NRCAM: variants seen among roughly 807,000 people sequenced by gnomAD.
NRCAM encodes the protein NgCAM-related cell adhesion molecule.
NRCAM carries 83 observed loss-of-function variants against 156.5 expected under a neutral mutation model. That is an observed-to-expected ratio of 0.53 (90% confidence interval 0.44 to 0.64). The LOEUF is 0.64. NRCAM is among the 30% of genes least tolerant of loss of function. NRCAM has a pLI of 0.00. For synonymous variants in NRCAM, 538 were observed against 563.9 expected (o/e 0.95, Z 0.65); for missense variants, 1,417 against 1,597.3 (o/e 0.89, Z 1.92).
At chr7:108,399,906 A>AT (rs1426547101) in intron 1 of NRCAM, among the ~76,000 whole-genome samples, 1 of 152,204 alleles carries the variant, frequency 6.6e-6, no homozygotes, top group African/African-American at 2.4e-5. Flanking sequence ...AAGAAAAAAA[A>AT]GGCACTTGAT....
intron 28 of NRCAM, among the ~76,000 whole-genome samples, chr7:108,168,805 T>C (rs914108392): frequency 1.3e-5 from 2 of 152,208 alleles, no homozygotes; most frequent in Admixed American, 6.5e-5. Flanking sequence ...AACCCAATAC[T>C]ATGTGGCTAC....
intron 13 of NRCAM, 88 bp downstream of exon 13, chr7:108,207,440 G>T: frequency 7.2e-7 from 1 of 1,387,734 alleles, no homozygotes; most frequent in Non-Finnish European, 9.8e-7. Context: ...CTTAACCTGA[G>T]TTATTTTTTT....
intron 3 of NRCAM, among the ~76,000 whole-genome samples, chr7:108,276,088 G>A (rs913169150): frequency 6.6e-6 from 1 of 152,174 alleles, no homozygotes; most frequent in Non-Finnish European, 1.5e-5. Flanking sequence ...ATTGCACTGT[G>A]GTCTGAGAGG....
intron 3 of NRCAM, among the ~76,000 whole-genome samples, chr7:108,302,050 G>A (rs949368382): frequency 2.7e-5 from 4 of 150,122 alleles, no homozygotes; most frequent in African/African-American, 9.8e-5. Context: ...AGTGACCAAA[G>A]TACAAAAAAA....
chr7:108,347,032 GTTTTT>G (rs754160030), intron 2 of NRCAM, among the ~76,000 whole-genome samples: 22 of 83,050 alleles, frequency 2.6e-4, no homozygotes, highest in African/African-American at 1.1e-3. Context: ...TTATATTTCT[GTTTTT>G]TTTTTTTTTT....
chr7:108,211,223 G>A (rs2084133521), intron 11 of NRCAM, among the ~76,000 whole-genome samples: 1 of 152,180 alleles, frequency 6.6e-6, no homozygotes, highest in Non-Finnish European at 1.5e-5. Flanking sequence ...GAAGCAGCAG[G>A]AAAGGCCTTG....
At chr7:108,454,102 T>C (rs962521390) in intron 1 of NRCAM, among the ~76,000 whole-genome samples, 2 of 152,186 alleles carry the variant, frequency 1.3e-5, no homozygotes, top group African/African-American at 2.4e-5. Context: ...GTGACTGTAA[T>C]GGGTTGGATT....
intron 4 of NRCAM, 95 bp from the exon 5 acceptor site, chr7:108,237,864 G>T: frequency 1.2e-6 from 1 of 851,424 alleles, no homozygotes; most frequent in South Asian, 2.4e-5. Flanking sequence ...GAAGATAAAG[G>T]GGGCATCTTG....
At position 108,207,627 on chromosome 7, in the gene NRCAM, G is replaced by C; in HGVS notation, c.1108C>G (p.Leu370Val). Residue 370 changes from leucine to valine, a missense_variant, in exon 13 of 33, where the codon CTT becomes GTT. Physicochemically the swap from Leu to Val is conservative, Grantham distance 32. Transcript: ENST00000379028. ...APYWITAPQN[L>V]VLSPGEDGTL... The stretch of plus-strand genomic sequence containing the variant: ...CCATCCTCTCCTGGGGACAGCACAA[G>C]ATTTTGAGGGGCTGTGATCCAGTAT... The C allele has an allele frequency of 1.9e-6, 3 of 1,613,718 alleles. No homozygotes were observed. The South Asian group carries it at 3.3e-5, about 18-fold the overall frequency.
Position 108,354,192 on chromosome 7 carries a change from A to C in NRCAM, c.-173-41461T>G, listed in dbSNP as rs1365202398. ...ATAAATATAAATAGGATTTCCAAGAAATATATAAATGGTTTAACATTACAA... is the reference window on the plus strand; with the variant it reads ...ATAAATATAAATAGGATTTCCAAGACATATATAAATGGTTTAACATTACAA... On this transcript the variant is annotated intron_variant, in intron 2 of 32. Transcript: ENST00000379028. Among the ~76,000 whole-genome samples, 3 of 152,370 alleles carry C rather than the reference A, an allele frequency of 2.0e-5. No homozygotes were observed. The East Asian group carries it at 5.8e-4, about 29-fold the overall frequency.
chr7:108,431,540 T>G (rs1433669348), intron 1 of NRCAM, among the ~76,000 whole-genome samples: 1 of 152,096 alleles, frequency 6.6e-6, no homozygotes, highest in Non-Finnish European at 1.5e-5. Context: ...CCTAGCACTT[T>G]GGGAGGCCGA....
Position 108,178,121 on chromosome 7 carries a change from G to C in NRCAM, c.2852-9C>G. ...CGAGGGAGCACTGGGGACTTACAGT[G>C]AGAACTTACAGTCAACACAAAGATT... is the stretch of plus-strand genomic sequence containing the variant. On this transcript the variant is annotated splice_polypyrimidine_tract_variant and intron_variant, in intron 25 of 32. Transcript: ENST00000379028. 1 of 1,609,052 alleles carries C rather than the reference G, an allele frequency of 6.2e-7. No individual in the cohort carries two copies. Among genetic ancestry groups the C allele is most frequent in the Non-Finnish European group, 8.5e-7 (1 of 1,177,774 alleles).
intron 17 of NRCAM, among the ~76,000 whole-genome samples, chr7:108,193,334 C>T (rs62469178): frequency 0.043 from 6,611 of 152,302 alleles, 197 homozygotes; most frequent in Middle Eastern, 0.071. Context: ...AATTTTAGGT[C>T]AGCTGTAGGT....
intron 11 of NRCAM, among the ~76,000 whole-genome samples, chr7:108,218,172 C>CCGGG: frequency 1.0e-5 from 1 of 95,792 alleles, no homozygotes; most frequent in African/African-American, 5.9e-5. Flanking sequence ...CTTCCCTTGG[C>CCGGG]TGGGGGGGGG....
At chr7:108,200,173 T>C (rs1587922372) in intron 13 of NRCAM, among the ~76,000 whole-genome samples, 2 of 152,232 alleles carry the variant, frequency 1.3e-5, no homozygotes, top group African/African-American at 4.8e-5. Context: ...ATACTTTGAA[T>C]TGACTTCTTA....
At chr7:108,412,855 A>C (rs1418320416) in intron 1 of NRCAM, among the ~76,000 whole-genome samples, 1 of 152,156 alleles carries the variant, frequency 6.6e-6, no homozygotes, top group Non-Finnish European at 1.5e-5. Context: ...AGGTTCATCC[A>C]TGTTGTCGTG....
At chr7:108,189,899 G>C (rs1473463662) in intron 19 of NRCAM, among the ~76,000 whole-genome samples, 153 bp from the exon 20 acceptor site, 4 of 152,100 alleles carry the variant, frequency 2.6e-5, no homozygotes, top group African/African-American at 9.7e-5. Context: ...GCACAGCTGA[G>C]GCTGCTGGGA....
rs1234749218 is a variant in NRCAM, at chr7:108,194,246, A to G, written c.1630+16T>C. On this transcript the variant is annotated intron_variant, in intron 16 of 32. Coordinates refer to ENST00000379028, the MANE Select transcript of NRCAM (RefSeq NM_001037132.4). ...TCAAAGTCATTTAAAAATTAAACAC[A>G]TTACCTCTGCCTTACCTTTGATTTC... 6.2e-6 allele frequency: 10 copies of G among 1,611,628 alleles called. No individual in the cohort carries two copies. Among genetic ancestry groups the G allele is most frequent in the African/African-American group, 5.3e-5 (4 of 74,860 alleles).
intron 2 of NRCAM, among the ~76,000 whole-genome samples, chr7:108,376,315 G>A (rs73189217): frequency 0.018 from 2,729 of 152,298 alleles, 34 homozygotes; most frequent in Non-Finnish European, 0.029. Context: ...CCTGCTGCAA[G>A]AGAACACCTG....
Sources: allele counts gnomAD v4.1 joint callset (sites outside exome capture counted in the v4.1 genomes callset), GRCh38; gene constraint gnomAD v4.1.1; transcripts MANE v1.5; gene names NCBI Gene and HGNC (gene_info 2026-07-23, HGNC 2026-07-21).